The following ESPL1 variants were observed in gnomAD, a reference collection of about 807,000 sequenced individuals.
ESPL1 encodes extra spindle pole bodies like 1, separase.
Under a neutral mutation model 217.2 loss-of-function variants are expected in ESPL1, and 50 were observed. The observed-to-expected ratio is 0.23, with a 90% CI of 0.18 to 0.29. The LOEUF (loss-of-function observed/expected upper bound fraction) is 0.29, where lower values mean the gene tolerates loss of function less well. Among genes scored for constraint, ESPL1 ranks in the 10% least tolerant of loss-of-function variants. The pLI is 1.00. For missense variants in ESPL1, 1,834 were observed against 2,603.0 expected (o/e 0.70, Z 6.43); for synonymous variants, 994 against 1,081.3 (o/e 0.92, Z 1.58).
Position 53,279,273 on chromosome 12 carries a change from C to G in ESPL1, c.2365-459C>G, listed in dbSNP as rs1943823074. On this transcript the variant is annotated intron_variant, in intron 11 of 30. Coordinates refer to ENST00000257934, the MANE Select transcript of ESPL1 (RefSeq NM_012291.5). ...CCTAGACTCCACATTAGGAAACAAA[C>G]AAACAAACAAAAAGCCTTTATACAT... Among the ~76,000 whole-genome samples the G allele has an allele frequency of 3.3e-5, 5 of 152,276 alleles. No individual in the cohort carries two copies. The Middle Eastern group carries it at 0.014, about 414-fold the overall frequency.
At position 53,293,338 on chromosome 12, in the gene ESPL1, T is replaced by C. The variant is rs1444811761; in HGVS notation, c.6227T>C (p.Leu2076Pro). ...GACATTGACCGCTACACGGAAGCTC[T>C]GCTGCAAGGCTGGCTTGGAGCAGGC... is the stretch of plus-strand genomic sequence containing the variant. The part of the protein sequence containing the change: ...DRDIDRYTEA[L>P]LQGWLGAGPG... Residue 2076 changes from leucine (L) to proline (P), a missense_variant, in exon 31 of 31, where the codon CTG becomes CCG. Leu to Pro is a moderately conservative substitution (Grantham distance 98). Around this residue, in one of 5 missense-constraint regions of ESPL1, gnomAD observed 295 missense variants for 519.8 expected, o/e 0.57. Coordinates refer to ENST00000257934, the MANE Select transcript of ESPL1 (RefSeq NM_012291.5). This position sits in a 1 kb window ranked among gnomAD's most constrained non-coding sequence, Gnocchi z 4.2. 6.2e-7 allele frequency: 1 copy of C among 1,614,230 alleles called. No individual in the cohort carries two copies. The highest frequency in any genetic ancestry group is 1.3e-5 in the African/African-American group (1 of 75,064).
At chr12:53,283,950 A>G in intron 16 of ESPL1, 108 bp from the exon 17 acceptor site, 2 of 797,540 alleles carry the variant, frequency 2.5e-6, no homozygotes, top group South Asian at 3.1e-5. Context: ...TGCCTTTTGG[A>G]GGCAGGGAAG....
chr12:53,270,404 G>A lies in ESPL1; in HGVS notation c.1170G>A (p.Gln390=). 1 of 1,613,688 alleles carries A rather than the reference G, an allele frequency of 6.2e-7. No homozygotes were observed. Among genetic ancestry groups the A allele is most frequent in the South Asian group, 1.1e-5 (1 of 91,064 alleles). ...TGTATGGGGGCTCCTCCAAGCAACA[G>A]CAGTCTTTTCTTCAGATGTACTTTC... The part of the protein sequence containing the change: ...DGVYGGSSKQ[Q]QSFLQMYFQG... Residue 390 remains glutamine, a synonymous_variant, in exon 4 of 31, where the codon CAG becomes CAA. Coordinates refer to ENST00000257934, the MANE Select transcript of ESPL1 (RefSeq NM_012291.5).
chr12:53,269,179 G>A lies in ESPL1; in HGVS notation c.237G>A (p.Glu79=). ...RHLGSLLELA[E]LACDGYLVST... ...TGGGGAGCCTGCTGGAGCTGGCAGA[G>A]CTGGCCTGTGATGGCTACTTAGTGT... The change falls in exon 3 of 31, where the codon GAG becomes GAA. Residue 79 remains glutamate (E), a synonymous_variant. Coordinates refer to ENST00000257934, the MANE Select transcript of ESPL1 (RefSeq NM_012291.5). This position sits in a 1 kb window ranked among gnomAD's most constrained non-coding sequence, Gnocchi z 6.7. 6.2e-7 allele frequency: 1 copy of A among 1,614,188 alleles called. No individual in the cohort carries two copies. Among genetic ancestry groups the A allele is most frequent in the Non-Finnish European group, 8.5e-7 (1 of 1,180,040 alleles).
chr12:53,288,404 A>G, intron 19 of ESPL1, 63 bp downstream of exon 19: 1 of 1,537,830 alleles, frequency 6.5e-7, no homozygotes, highest in Admixed American at 2.1e-5. Flanking sequence ...GGCAAAGCAC[A>G]AGCAGTAAGT....
chr12:53,281,634 T>C lies in ESPL1; in HGVS notation c.2619+8T>C. ...TACTGGACTCACCAGAAGGTATTTC[T>C]CACTTTCTTAAACTCCGAAGGCCCT... On this transcript the variant is annotated splice_region_variant and intron_variant, in intron 13 of 30. Transcript: ENST00000257934. 6.2e-7 allele frequency: 1 copy of C among 1,610,380 alleles called. No homozygotes were observed. Among genetic ancestry groups the C allele is most frequent in the Non-Finnish European group, 8.5e-7 (1 of 1,178,574 alleles).
At chr12:53,291,227 G>C (rs920489300) in intron 25 of ESPL1, among the ~76,000 whole-genome samples, 2 of 152,074 alleles carry the variant, frequency 1.3e-5, no homozygotes, top group African/African-American at 4.8e-5. Flanking sequence ...GCTTGAACCT[G>C]GGAGGCGGAG....
intron 18 of ESPL1, 102 bp downstream of exon 18, chr12:53,287,014 A>T: frequency 8.6e-7 from 1 of 1,166,316 alleles, no homozygotes. Flanking sequence ...ATAGCTCCCC[A>T]GGGCCTAGTG....
rs1943879196 is a variant in ESPL1, at chr12:53,282,469, G to T, written c.2791+34G>T. The T allele has an allele frequency of 1.3e-6, 2 of 1,591,828 alleles. No individual in the cohort carries two copies. Among genetic ancestry groups the T allele is most frequent in the South Asian group, 1.1e-5 (1 of 90,296 alleles). ...ATAGGGTGGATGGCCCCCCTTGGAT[G>T]ACATGTATGGTCTGTCTGCTGTCAG... On this transcript the variant is annotated intron_variant, in intron 14 of 30. Coordinates refer to ENST00000257934, the MANE Select transcript of ESPL1 (RefSeq NM_012291.5). This position sits in a 1 kb window ranked among gnomAD's most constrained non-coding sequence, Gnocchi z 4.0.
chr12:53,284,916 G>T lies in ESPL1; in HGVS notation c.3187+749G>T, dbSNP rs555983853. On this transcript the variant is annotated intron_variant, in intron 17 of 30. Transcript: ENST00000257934. ...AATCCCAGCTACTCAGAAGGCTGAG[G>T]CAGGAGAATAGCTTGAACCTGGGAG... Among the ~76,000 whole-genome samples, 19 of 148,086 alleles carry T rather than the reference G, an allele frequency of 1.3e-4. 1 individual carries two copies. The East Asian group carries it at 3.9e-3, about 30-fold the overall frequency.
chr12:53,272,105 T>A (rs1943686218), intron 5 of ESPL1, among the ~76,000 whole-genome samples: 1 of 150,884 alleles, frequency 6.6e-6, no homozygotes, highest in Non-Finnish European at 1.5e-5. Flanking sequence ...AAAAAAAAAA[T>A]TTGTTGAGTA....
In ESPL1 at chr12:53,292,544, C is replaced by A. The variant is rs1288703162; in HGVS notation, c.5913-30C>A. The A allele has an allele frequency of 6.3e-7, 1 of 1,592,538 alleles. No individual in the cohort carries two copies. Among genetic ancestry groups the A allele is most frequent in the Admixed American group, 1.7e-5 (1 of 59,990 alleles). On this transcript the variant is annotated intron_variant, in intron 28 of 30. Transcript: ENST00000257934. This position sits in a 1 kb window ranked among gnomAD's most constrained non-coding sequence, Gnocchi z 4.5. ...CCACCTGACCCCTGCCATGCATTTC[C>A]CTATTCTCACACCTGCCTTTTCCCT...
intron 17 of ESPL1, among the ~76,000 whole-genome samples, 186 bp from the exon 18 acceptor site, chr12:53,285,738 T>C (rs1463862405): frequency 6.6e-6 from 1 of 151,820 alleles, no homozygotes; most frequent in Admixed American, 6.6e-5. Context: ...AAAAAGATTT[T>C]ACCTAAAAAA....
chr12:53,273,788 G>A (rs922050852), intron 6 of ESPL1, among the ~76,000 whole-genome samples: 3 of 149,020 alleles, frequency 2.0e-5, no homozygotes, highest in Admixed American at 6.7e-5. Context: ...GATCCCCCAG[G>A]TGGTCCTTTG....
Position 53,293,235 on chromosome 12 carries a change from G to A in ESPL1, c.6162-38G>A, listed in dbSNP as rs376722696. The A allele has an allele frequency of 6.5e-7, 1 of 1,529,098 alleles. No homozygotes were observed. Among genetic ancestry groups the A allele is most frequent in the Non-Finnish European group, 9.1e-7 (1 of 1,102,856 alleles). The allele number at this position is 1,529,098 out of a possible 1,614,324, so 94.7% of individuals were successfully genotyped here. Reference sequence around the variant, plus strand: ...GTGTTTTCCTATGTATTCTGTTTTAGAGCCCTTACTTTGTATTTCCTCCTT... The same window carrying A: ...GTGTTTTCCTATGTATTCTGTTTTAAAGCCCTTACTTTGTATTTCCTCCTT... On this transcript the variant is annotated intron_variant, in intron 30 of 30. Transcript: ENST00000257934. The surrounding 1 kb of genome is among the most constrained non-coding windows in gnomAD (Gnocchi z 4.2).
rs1944069351 is a variant in ESPL1 at position 53,292,037 on chromosome 12, C to T, written c.5745C>T (p.Val1915=). The T allele has an allele frequency of 2.5e-6, 4 of 1,614,046 alleles. No homozygotes were observed. In the African/African-American group the frequency reaches 4.0e-5, roughly 16 times the overall value. The part of the protein sequence containing the change: ...ESMPSLQALP[V]TRLPSFRFLL... ...TGCCCAGCCTCCAAGCACTGCCTGT[C>T]ACCCGGCTGCCCTCCTTCCGCTTCC... The change falls in exon 27 of 31, where the codon GTC becomes GTT. Residue 1915 remains valine, a synonymous_variant. Coordinates refer to ENST00000257934, the MANE Select transcript of ESPL1 (RefSeq NM_012291.5). This position sits in a 1 kb window ranked among gnomAD's most constrained non-coding sequence, Gnocchi z 4.5.
At position 53,286,990 on chromosome 12, in the gene ESPL1, G is replaced by C; in HGVS notation, c.4176+78G>C. 1 of 1,434,066 alleles carries C rather than the reference G, an allele frequency of 7.0e-7. No individual in the cohort carries two copies. The highest frequency in any genetic ancestry group is 2.3e-5 in the East Asian group (1 of 43,394). The allele number at this position is 1,434,066 out of a possible 1,614,324, so 88.8% of individuals were successfully genotyped here. A position where few individuals can be genotyped will look rare whatever the true frequency, so the allele number is the denominator to read the frequency against. On this transcript the variant is annotated intron_variant, in intron 18 of 30. Transcript: ENST00000257934. This position sits in a 1 kb window ranked among gnomAD's most constrained non-coding sequence, Gnocchi z 5.3. ...CTGGAGGAGAGTGTTTTATAGAGCA[G>C]GTGTCCCTGTGGAATAGCTCCCCAG...
Position 53,270,920 on chromosome 12 carries a change from T to C in ESPL1, c.1369+122T>C, listed in dbSNP as rs1045751639. On this transcript the variant is annotated intron_variant, in intron 5 of 30. Transcript: ENST00000257934. ...GGTTCCTTATGGTTCAAGGAGGCAG[T>C]GAGAGAAATGTTTATAAGTACCAGC... is the stretch of plus-strand genomic sequence containing the variant. 12 of 1,052,422 alleles carry C rather than the reference T, an allele frequency of 1.1e-5. No individual in the cohort carries two copies. In the African/African-American group the frequency reaches 1.9e-4, roughly 17 times the overall value. 65.2% of individuals were successfully genotyped at this position (1,052,422 alleles called of 1,614,324 possible). A position where few individuals can be genotyped will look rare whatever the true frequency, so the allele number is the denominator to read the frequency against.
At chr12:53,289,062 T>C (rs7485539) in intron 20 of ESPL1, 28 bp from the exon 21 acceptor site, 1 of 1,532,032 alleles carries the variant, frequency 6.5e-7, no homozygotes, top group Non-Finnish European at 9.0e-7. Context: ...GGAATTCAGC[T>C]GTACCAAGTG....
Sources: gnomAD v4.1 joint callset for allele counts (sites outside exome capture counted in the v4.1 genomes callset) on GRCh38, gnomAD v4.1.1 for gene constraint, gnomAD v4.1.1 regional missense constraint, Gnocchi (gnomAD v3.1) non-coding constraint, MANE v1.5 for transcripts, NCBI Gene and HGNC (gene_info 2026-07-23, HGNC 2026-07-21) for gene names.